The following FOXK1 variants were observed in gnomAD, a reference collection of about 807,000 sequenced individuals.
FOXK1 encodes the protein forkhead box K1.
Under a neutral mutation model 51.9 loss-of-function variants are expected in FOXK1, and 19 were observed. The ratio of observed to expected loss-of-function variants is 0.37; its 90% CI spans 0.26 to 0.54. FOXK1 has a LOEUF of 0.54. FOXK1 is among the 20% of genes least tolerant of loss of function. The pLI is 0.87. For synonymous variants in FOXK1, 537 were observed against 482.6 expected, an observed-to-expected ratio of 1.11 and a Z score of -1.48; for missense variants, 870 against 1,032.7, an observed-to-expected ratio of 0.84 and a Z score of 2.16.
Position 4,759,156 on chromosome 7 carries a change from C to T in FOXK1, c.1350C>T (p.Asp450=). 1 of 1,612,842 alleles carries T rather than the reference C, an allele frequency of 6.2e-7. No individual in the cohort carries two copies. The stretch of plus-strand genomic sequence containing the variant: ...GGGAGGGCTCCCCCATTCCACACGA[C>T]CCTGAGTTTGGGTCCAAGTTAGCTT... The part of the protein sequence containing the change: ...LSREGSPIPH[D]PEFGSKLASV... Residue 450 remains aspartate (D), a synonymous_variant, in exon 6 of 9, where the codon GAC becomes GAT. Coordinates refer to ENST00000328914, the MANE Select transcript of FOXK1 (RefSeq NM_001037165.2).
chr7:4,718,311 A>G (rs1371886057), intron 1 of FOXK1, among the ~76,000 whole-genome samples: 3 of 152,196 alleles, frequency 2.0e-5, no homozygotes, highest in Non-Finnish European at 4.4e-5. Context: ...CCACGCAGCC[A>G]TTGTAACCCT....
rs1780475773 is a variant in FOXK1, at chr7:4,731,500, C to G, written c.561-9338C>G. On this transcript the variant is annotated intron_variant, in intron 1 of 8. Transcript: ENST00000328914. This position sits in a 1 kb window ranked among gnomAD's most constrained non-coding sequence, Gnocchi z 5.3. ...GGCGGCCGGGCACAGTGGCTCACGC[C>G]TGTAATCCCAGCACTTTGGGAGGCC... Among the ~76,000 whole-genome samples, 1 of 152,214 alleles carries G rather than the reference C, an allele frequency of 6.6e-6. No homozygotes were observed. Among genetic ancestry groups the G allele is most frequent in the Non-Finnish European group, 1.5e-5 (1 of 68,040 alleles).
Position 4,735,617 on chromosome 7 carries a change from G to A in FOXK1, c.561-5221G>A, listed in dbSNP as rs550838709. ...GTCCTCCACAGATGGGCACTTGCTC[G>A]TACAGGAACCTTTCCGCCGGGCTGG... On this transcript the variant is annotated intron_variant, in intron 1 of 8. Coordinates refer to ENST00000328914, the MANE Select transcript of FOXK1 (RefSeq NM_001037165.2). The surrounding 1 kb of genome is among the most constrained non-coding windows in gnomAD (Gnocchi z 4.7). Among the ~76,000 whole-genome samples the A allele has an allele frequency of 1.3e-5, 2 of 152,190 alleles. No individual in the cohort carries two copies. The highest frequency in any genetic ancestry group is 2.1e-4 in the South Asian group (1 of 4,828).
chr7:4,740,099 AG>A (rs1446036226), intron 1 of FOXK1, among the ~76,000 whole-genome samples: 1 of 151,998 alleles, frequency 6.6e-6, no homozygotes, highest in Non-Finnish European at 1.5e-5. Flanking sequence ...GTTCGAGACC[AG>A]CCTGGCCAAC....
chr7:4,742,969 G>A (rs1393559657), intron 2 of FOXK1, among the ~76,000 whole-genome samples: 1 of 152,198 alleles, frequency 6.6e-6, no homozygotes, highest in African/African-American at 2.4e-5. Context: ...GAAAGGAGAG[G>A]CCCCGGGCTC....
At chr7:4,699,119 C>T (rs1243636876) in intron 1 of FOXK1, among the ~76,000 whole-genome samples, 1 of 152,174 alleles carries the variant, frequency 6.6e-6, no homozygotes, top group Non-Finnish European at 1.5e-5. Context: ...TGGGACAGTT[C>T]ATCAGCCCTT....
chr7:4,757,353 C>T (rs946443673), intron 5 of FOXK1, among the ~76,000 whole-genome samples, 166 bp downstream of exon 5: 6 of 152,076 alleles, frequency 3.9e-5, no homozygotes, highest in African/African-American at 7.2e-5. Context: ...AGAAGGCCGG[C>T]GCGGTGGCTC....
rs1781080216 is a variant in FOXK1, at chr7:4,770,259, G to A, written c.*7795G>A. On this transcript the variant is annotated 3_prime_UTR_variant, in exon 9 of 9. Transcript: ENST00000328914. ...AATTTAAAATCAAATATTTGGCCAGGTGCGGTGGCTCATGCCCGTAATCCC... is the reference window on the plus strand; with the variant it reads ...AATTTAAAATCAAATATTTGGCCAGATGCGGTGGCTCATGCCCGTAATCCC... 1 of 152,068 alleles carries A rather than the reference G, an allele frequency of 6.6e-6. No homozygotes were observed. Among genetic ancestry groups the A allele is most frequent in the South Asian group, 2.1e-4 (1 of 4,834 alleles). 9.4% of individuals were successfully genotyped at this position (152,068 alleles called of 1,614,324 possible). A position where few individuals can be genotyped will look rare whatever the true frequency, so the allele number is the denominator to read the frequency against.
In FOXK1 at chr7:4,699,723, CAA is replaced by C. The variant is rs749636680; in HGVS notation, c.560+16857_560+16858del. Among the ~76,000 whole-genome samples, 4 of 152,236 alleles carry C rather than the reference CAA, an allele frequency of 2.6e-5. No homozygotes were observed. In the East Asian group the frequency reaches 5.8e-4, roughly 22 times the overall value. ...GGTGTTGTCTGGCCGGCTTTTCCAC[CAA>C]AGAGTTGCTGTGTTTTTTCTTTTGT... is the stretch of plus-strand genomic sequence containing the variant. On this transcript the variant is annotated intron_variant, in intron 1 of 8. Transcript: ENST00000328914.
chr7:4,736,239 G>A (rs968492704), intron 1 of FOXK1, among the ~76,000 whole-genome samples: 10 of 151,988 alleles, frequency 6.6e-5, no homozygotes, highest in South Asian at 2.1e-4. Flanking sequence ...TCACTGTTAC[G>A]GCAGATACTG....
intron 1 of FOXK1, among the ~76,000 whole-genome samples, chr7:4,706,008 ATATACGTATATATACGTG>A (rs1562373135): frequency 5.5e-5 from 6 of 108,870 alleles, no homozygotes; most frequent in African/African-American, 3.7e-4. Context: ...ATATACGTAT[ATATACGTATATATACGTG>A]TATATACGTG....
rs1001239367 is a variant in FOXK1, at chr7:4,682,845, G to A, written c.537G>A (p.Ala179=). ...ACGGGGCCTTCCAGAGACGCGGCGC[G>A]CCCGCCCTGCAGCTGCCCAAGCAGT... ...FVDGAFQRRG[A]PALQLPKQCT... The change falls in exon 1 of 9, where the codon GCG becomes GCA. Residue 179 remains alanine (A), a synonymous_variant. Transcript: ENST00000328914. This position sits in a 1 kb window ranked among gnomAD's most constrained non-coding sequence, Gnocchi z 7.6. The A allele has an allele frequency of 6.4e-7, 1 of 1,558,550 alleles. No individual in the cohort carries two copies. Among genetic ancestry groups the A allele is most frequent in the Non-Finnish European group, 8.6e-7 (1 of 1,157,962 alleles).
At chr7:4,689,363 G>T (rs1305539212) in intron 1 of FOXK1, among the ~76,000 whole-genome samples, 1 of 152,202 alleles carries the variant, frequency 6.6e-6, no homozygotes, top group Non-Finnish European at 1.5e-5. Flanking sequence ...GAGGCGTATT[G>T]TGAGTGGCAG....
Position 4,755,412 on chromosome 7 carries a change from C to T in FOXK1, c.1050+29C>T. 6.2e-7 allele frequency: 1 copy of T among 1,611,062 alleles called. No individual in the cohort carries two copies. Among genetic ancestry groups the T allele is most frequent in the Non-Finnish European group, 8.5e-7 (1 of 1,178,598 alleles). On this transcript the variant is annotated intron_variant, in intron 4 of 8. Coordinates refer to ENST00000328914, the MANE Select transcript of FOXK1 (RefSeq NM_001037165.2). This position sits in a 1 kb window ranked among gnomAD's most constrained non-coding sequence, Gnocchi z 6.6. Reference sequence around the variant, plus strand: ...AAGCCGAGTCCCCAGGGCCGGATCGCCTCTGAAGGCCCTTAGAACATGGAA... The same window carrying T: ...AAGCCGAGTCCCCAGGGCCGGATCGTCTCTGAAGGCCCTTAGAACATGGAA...
intron 1 of FOXK1, among the ~76,000 whole-genome samples, chr7:4,717,639 G>T (rs1780253701): frequency 6.6e-6 from 1 of 152,154 alleles, no homozygotes; most frequent in Non-Finnish European, 1.5e-5. Context: ...CTCCACCCTA[G>T]CCCCAGAGGC....
intron 1 of FOXK1, among the ~76,000 whole-genome samples, chr7:4,738,599 C>A (rs1780588965): frequency 6.6e-6 from 1 of 152,130 alleles, no homozygotes; most frequent in Admixed American, 6.6e-5. Context: ...TTTCAAATAG[C>A]CTTGGGATGC....
chr7:4,705,517 TTCTCTCTCTCTCTCTC>T (rs56842360), intron 1 of FOXK1, among the ~76,000 whole-genome samples: 6 of 111,572 alleles, frequency 5.4e-5, no homozygotes, highest in South Asian at 3.4e-4. Flanking sequence ...TTCCTTCTCT[TTCTCTCTCTCTCTCTC>T]TCTCTCTCTC....
Position 4,761,011 on chromosome 7 carries a change from A to C in FOXK1, c.1697-53A>C. On this transcript the variant is annotated intron_variant, in intron 7 of 8. Transcript: ENST00000328914. The surrounding 1 kb of genome is among the most constrained non-coding windows in gnomAD (Gnocchi z 6.2). ...CGACCTGCTGCCCAGGCGTCGAGGA[A>C]ATCGATTGTCTCGTTGGCCGAGTGT... The C allele has an allele frequency of 3.9e-6, 6 of 1,533,104 alleles. No homozygotes were observed. The highest frequency in any genetic ancestry group is 4.5e-6 in the Non-Finnish European group (5 of 1,110,618). 95.0% of individuals were successfully genotyped at this position (1,533,104 alleles called of 1,614,324 possible).
rs556729223 is a variant in FOXK1, at chr7:4,754,633, G to A, written c.903+18G>A. 1.7e-5 allele frequency: 27 copies of A among 1,597,452 alleles called. No individual in the cohort carries two copies. Among genetic ancestry groups the A allele is most frequent in the South Asian group, 4.4e-5 (4 of 90,734 alleles). On this transcript the variant is annotated intron_variant, in intron 3 of 8. Coordinates refer to ENST00000328914, the MANE Select transcript of FOXK1 (RefSeq NM_001037165.2). ...GCCCCAAGGTCTGAGCCCACCTGGC[G>A]CCGTGGTGCACCTGGTGACCCAGGA...
Sources: allele counts gnomAD v4.1 joint callset (sites outside exome capture counted in the v4.1 genomes callset), GRCh38; gene constraint gnomAD v4.1.1; non-coding constraint Gnocchi (gnomAD v3.1); transcripts MANE v1.5; gene names NCBI Gene and HGNC (gene_info 2026-07-23, HGNC 2026-07-21).